RMDN3: variants seen among roughly 807,000 people sequenced by gnomAD.
RMDN3 encodes regulator of microtubule dynamics 3, also known as regulator of microtubule dynamics protein 3.
RMDN3 carries 41 observed loss-of-function variants against 61.8 expected under a neutral mutation model. The observed-to-expected ratio is 0.66, with a 90% CI of 0.52 to 0.86. The LOEUF (loss-of-function observed/expected upper bound fraction) is 0.86, where lower values mean the gene tolerates loss of function less well. RMDN3 is among the 40% of genes least tolerant of loss of function. The pLI is 0.00. For synonymous variants in RMDN3, 247 were observed against 232.0 expected (o/e 1.06, Z -0.59); for missense variants, 557 against 585.3 (o/e 0.95, Z 0.50).
chr15:40,749,308 G>A (rs879474688), intron 4 of RMDN3, among the ~76,000 whole-genome samples: 9 of 152,226 alleles, frequency 5.9e-5, no homozygotes, highest in Non-Finnish European at 1.0e-4. Context: ...GAGGCCAAGA[G>A]TTCAAGAACA....
At chr15:40,750,274 C>A (rs571841731) in intron 4 of RMDN3, among the ~76,000 whole-genome samples, 1 of 140,646 alleles carries the variant, frequency 7.1e-6, no homozygotes, top group Non-Finnish European at 1.5e-5. Flanking sequence ...GGCTGGAGTG[C>A]AGTGGCGCAA....
chr15:40,748,254 CA>C lies in RMDN3; in HGVS notation c.525-2996del, dbSNP rs777266702. Reference sequence around the variant, plus strand: ...CTCCTTGCCCCAAGACACACATGTTCAAAGCCATTTCAGAGTTTGTAGACTC... The same window carrying C: ...CTCCTTGCCCCAAGACACACATGTTCAAGCCATTTCAGAGTTTGTAGACTC... On this transcript the variant is annotated intron_variant, in intron 4 of 12. Coordinates refer to ENST00000338376, the MANE Select transcript of RMDN3 (RefSeq NM_018145.3). Among the ~76,000 whole-genome samples, 14 of 152,310 alleles carry C rather than the reference CA, an allele frequency of 9.2e-5. No homozygotes were observed. The South Asian group carries it at 2.1e-3, about 23-fold the overall frequency.
chr15:40,746,853 A>C (rs1897588794), intron 4 of RMDN3, among the ~76,000 whole-genome samples: 1 of 152,128 alleles, frequency 6.6e-6, no homozygotes, highest in East Asian at 1.9e-4. Context: ...GAGGTTATCC[A>C]AGTAGATTTC....
intron 5 of RMDN3, 31 bp from the exon 6 acceptor site, chr15:40,744,180 C>CT (rs760766392): frequency 3.2e-5 from 51 of 1,603,642 alleles, no homozygotes; most frequent in Non-Finnish European, 4.1e-5. Flanking sequence ...GGTGAGGCCC[C>CT]TTTTTCCTCA....
In RMDN3 at chr15:40,742,985, T is replaced by C. The variant is rs374348161; in HGVS notation, c.910+1062A>G. On this transcript the variant is annotated intron_variant, in intron 6 of 12. Transcript: ENST00000338376. ...GGGTCTACAGAGACATCCTACTCAA[T>C]TGGTCTGTTCTTTCTCCATTGACAG... 5.3e-5 allele frequency among the ~76,000 whole-genome samples: 8 copies of C among 152,360 alleles called. No homozygotes were observed. The East Asian group carries it at 1.5e-3, about 29-fold the overall frequency.
intron 2 of RMDN3, among the ~76,000 whole-genome samples, chr15:40,752,812 A>G (rs1897884657): frequency 6.6e-6 from 1 of 152,224 alleles, no homozygotes; most frequent in Admixed American, 6.5e-5. Context: ...ATGCTAGCAA[A>G]GTGACAGCCA....
At chr15:40,748,397 C>G (rs1416252834) in intron 4 of RMDN3, among the ~76,000 whole-genome samples, 2 of 152,206 alleles carry the variant, frequency 1.3e-5, no homozygotes, top group East Asian at 1.9e-4. Context: ...ACCACCTGCT[C>G]TCATGCCACG....
intron 2 of RMDN3, among the ~76,000 whole-genome samples, chr15:40,752,423 G>A (rs575580934): frequency 5.6e-4 from 85 of 151,990 alleles, no homozygotes; most frequent in Non-Finnish European, 1.9e-4. Flanking sequence ...TGCACACCAC[G>A]ATAGATAATG....
In RMDN3 at chr15:40,745,195, C is replaced by T. The variant is rs751140051; in HGVS notation, c.589G>A (p.Glu197Lys). ...ACAGTCTCACAGCTCACTTCATCTT[C>T]CCCGTCCTCACTTTCTTTGTCAGAG... is the stretch of plus-strand genomic sequence containing the variant. ...RDSDKESEDG[E>K]DEVSCETVKM... Residue 197 changes from glutamate (E) to lysine (K), a missense_variant, in exon 5 of 13, where the codon GAA becomes AAA. Physicochemically the swap from Glu to Lys is moderately conservative, Grantham distance 56. Coordinates refer to ENST00000338376, the MANE Select transcript of RMDN3 (RefSeq NM_018145.3). 1.7e-5 allele frequency: 28 copies of T among 1,613,994 alleles called. No individual in the cohort carries two copies. The African/African-American group carries it at 3.6e-4, about 21-fold the overall frequency.
intron 9 of RMDN3, 29 bp downstream of exon 9, chr15:40,737,936 A>G (rs1302773993): frequency 1.2e-6 from 2 of 1,611,850 alleles, no homozygotes; most frequent in Non-Finnish European, 1.7e-6. Flanking sequence ...ATTTAGGACC[A>G]TTATGTCAAG....
Position 40,746,450 on chromosome 15 carries a change from G to A in RMDN3, c.525-1191C>T, listed in dbSNP as rs192678381. ...AGAATGGGCGTGAACCCGGGAGGCA[G>A]AGCTTGCAGTGAGCGGAGATCACAC... On this transcript the variant is annotated intron_variant, in intron 4 of 12. Coordinates refer to ENST00000338376, the MANE Select transcript of RMDN3 (RefSeq NM_018145.3). Among the ~76,000 whole-genome samples the A allele has an allele frequency of 2.2e-3, 336 of 150,778 alleles. 3 individuals carry two copies. Among genetic ancestry groups the A allele is most frequent in the African/African-American group, 8.1e-3 (330 of 40,940 alleles).
Position 40,741,620 on chromosome 15 carries a change from A to ATTTTT in RMDN3, c.911-1432_911-1428dup, listed in dbSNP as rs553262858. Among the ~76,000 whole-genome samples, 441 of 71,712 alleles carry ATTTTT rather than the reference A, an allele frequency of 6.1e-3. 60 individuals are homozygous for ATTTTT. Among genetic ancestry groups the ATTTTT allele is most frequent in the African/African-American group, 0.02 (387 of 19,032 alleles). The allele number at this position is 71,712 out of a possible 152,430, so 47.0% of individuals were successfully genotyped here. ...ACTGGAGAAGACACTGCAACATAGG[A>ATTTTT]TTTTTTTTTTTTTTTTTTTTTTTTT... is the stretch of plus-strand genomic sequence containing the variant. On this transcript the variant is annotated intron_variant, in intron 6 of 12. Coordinates refer to ENST00000338376, the MANE Select transcript of RMDN3 (RefSeq NM_018145.3).
At chr15:40,738,466 G>A (rs1380200869) in intron 8 of RMDN3, 35 bp downstream of exon 8, 5 of 1,606,648 alleles carry the variant, frequency 3.1e-6, no homozygotes, top group Non-Finnish European at 4.3e-6. Context: ...TCTGGGATAG[G>A]CCAGCACAAG....
chr15:40,744,094 C>T lies in RMDN3; in HGVS notation c.863G>A (p.Cys288Tyr), dbSNP rs960787411. The change falls in exon 6 of 13, where the codon TGT (cysteine) becomes TAT (tyrosine). Residue 288 changes from cysteine to tyrosine, a missense_variant. Transcript: ENST00000338376. ...CTCGCTCACCTCCTCAGTGAGCTCA[C>T]ACATGTCACTGTAGGCTCGGGCCAG... The part of the protein sequence containing the change: ...WRLARAYSDM[C>Y]ELTEEVSEKK... The T allele has an allele frequency of 2.5e-6, 4 of 1,613,730 alleles. No homozygotes were observed. The highest frequency in any genetic ancestry group is 3.4e-6 in the Non-Finnish European group (4 of 1,180,004).
In RMDN3 at chr15:40,754,641, G is replaced by C. The variant is rs906935819; in HGVS notation, c.143C>G (p.Pro48Arg). Residue 48 changes from proline to arginine, a missense_variant, in exon 2 of 13, where the codon CCC becomes CGC. Transcript: ENST00000338376. ...TQRHGRSQSL[P>R]NSLDYTQTSD... Reference sequence around the variant, plus strand: ...AGTCTGCGTATAGTCCAGGGAGTTGGGCAGGCTCTGGCTGCGGCCATGACG... The same window carrying C: ...AGTCTGCGTATAGTCCAGGGAGTTGCGCAGGCTCTGGCTGCGGCCATGACG... 1 of 1,614,136 alleles carries C rather than the reference G, an allele frequency of 6.2e-7. No homozygotes were observed.
chr15:40,744,121 C>A lies in RMDN3; in HGVS notation c.836G>T (p.Arg279Leu), dbSNP rs144235442. The change falls in exon 6 of 13, where the codon CGC becomes CTC. Residue 279 changes from arginine to leucine, a missense_variant. Transcript: ENST00000338376. The part of the protein sequence containing the change: ...VYGSRQDFLW[R>L]LARAYSDMCE... ...CATGTCACTGTAGGCTCGGGCCAGG[C>A]GCCAGAGAAAGTCCTGCCGGCTTCC... The A allele has an allele frequency of 6.2e-7, 1 of 1,613,520 alleles. No homozygotes were observed. Among genetic ancestry groups the A allele is most frequent in the East Asian group, 2.2e-5 (1 of 44,888 alleles).
At position 40,752,025 on chromosome 15, in the gene RMDN3, C is replaced by A. The variant is rs769345413; in HGVS notation, c.341G>T (p.Ser114Ile). The A allele has an allele frequency of 3.7e-6, 6 of 1,614,226 alleles. No individual in the cohort carries two copies. The African/African-American group carries it at 4.0e-5, about 11-fold the overall frequency. Residue 114 changes from serine to isoleucine, a missense_variant, in exon 3 of 13, where the codon AGC (serine) becomes ATC (isoleucine). Physicochemically the swap from Ser to Ile is moderately radical, Grantham distance 142 (BLOSUM62 -2). Transcript: ENST00000338376. ...LRREVEELRS[S>I]LRGLAGEIVG... ...AATCTCCCCCGCAAGCCCTCGCAGG[C>A]TGCTTCTCAGCTCCTCCACCTCCCG...
chr15:40,742,171 G>GTTTTGTTTTTTTTTTTT (rs1161333834), intron 6 of RMDN3, among the ~76,000 whole-genome samples: 2 of 134,966 alleles, frequency 1.5e-5, no homozygotes, highest in African/African-American at 5.6e-5. Flanking sequence ...AATTTTTTAA[G>GTTTTGTTTTTTTTTTTT]TTTTTTTTTT....
chr15:40,754,530 C>G, intron 2 of RMDN3, 67 bp downstream of exon 2: 1 of 1,464,682 alleles, frequency 6.8e-7, no homozygotes. Context: ...CAGTCTCCAC[C>G]GAAAGCAGCC....
Sources: gnomAD v4.1 joint callset for allele counts (sites outside exome capture counted in the v4.1 genomes callset) on GRCh38, gnomAD v4.1.1 for gene constraint, MANE v1.5 for transcripts, NCBI Gene and HGNC (gene_info 2026-07-23, HGNC 2026-07-21) for gene names.